STPG4: variants seen among roughly 807,000 people sequenced by gnomAD.
The protein encoded by STPG4 is protein STPG4.
Under a neutral mutation model 31.5 loss-of-function variants are expected in STPG4, and 41 were observed. The ratio of observed to expected loss-of-function variants is 1.30; its 90% CI spans 1.01 to 1.69. The LOEUF (loss-of-function observed/expected upper bound fraction) is 1.69, where lower values mean the gene tolerates loss of function less well. Ranked by LOEUF, STPG4 falls within the 40% of genes most tolerant of loss-of-function variation. STPG4 has a pLI of 0.00. For synonymous variants in STPG4, 141 were observed against 103.0 expected (o/e 1.37, Z -2.24); for missense variants, 375 against 293.4 (o/e 1.28, Z -2.03).
chr2:47,094,324 C>G (rs1056166090), intron 5 of STPG4, among the ~76,000 whole-genome samples: 1 of 152,174 alleles, frequency 6.6e-6, no homozygotes, highest in African/African-American at 2.4e-5. Context: ...AGAATAGTCA[C>G]CTTCCTGGAG....
chr2:47,149,870 G>A (rs1007375580), intron 3 of STPG4, among the ~76,000 whole-genome samples: 1 of 152,170 alleles, frequency 6.6e-6, no homozygotes, highest in African/African-American at 2.4e-5. Context: ...CCACTTCCAT[G>A]CCTTCAACAA....
intron 5 of STPG4, among the ~76,000 whole-genome samples, chr2:47,107,093 G>A (rs1248993280): frequency 1.3e-5 from 2 of 151,994 alleles, no homozygotes; most frequent in Non-Finnish European, 2.9e-5. Flanking sequence ...GTTTAGAGGG[G>A]GGATTGAGAG....
At chr2:47,117,326 C>T (rs939533376) in intron 5 of STPG4, among the ~76,000 whole-genome samples, 2 of 152,188 alleles carry the variant, frequency 1.3e-5, no homozygotes, top group Non-Finnish European at 2.9e-5. Flanking sequence ...TCTCCTGCCT[C>T]ACCCTCCCGA....
chr2:47,100,861 G>A (rs1044089721), intron 5 of STPG4, among the ~76,000 whole-genome samples: 10 of 151,324 alleles, frequency 6.6e-5, no homozygotes, highest in African/African-American at 1.7e-4. Flanking sequence ...GAACACATCC[G>A]AACATCAGAA....
chr2:47,100,805 C>G (rs1384997714), intron 5 of STPG4, among the ~76,000 whole-genome samples: 1 of 151,566 alleles, frequency 6.6e-6, no homozygotes, highest in Non-Finnish European at 1.5e-5. Context: ...TGCAGCTTCA[C>G]TCCTGAGCCA....
chr2:47,088,700 G>T lies in STPG4; in HGVS notation c.624+1570C>A, dbSNP rs144809387. ...ATCTCTTCAGGAAACAGCAAGAGTG[G>T]AGCAGAGCAGTCAGTCCAGAGCACA... On this transcript the variant is annotated intron_variant, in intron 6 of 6. Transcript: ENST00000445927. 3.2e-3 allele frequency among the ~76,000 whole-genome samples: 485 copies of T among 152,284 alleles called. 3 individuals are homozygous for T. The highest frequency in any genetic ancestry group is 0.011 in the African/African-American group (468 of 41,538).
At chr2:47,125,428 A>G (rs1183533124) in intron 5 of STPG4, among the ~76,000 whole-genome samples, 2 of 152,188 alleles carry the variant, frequency 1.3e-5, no homozygotes, top group African/African-American at 4.8e-5. Context: ...CTCAAAAAAA[A>G]AGACCTTTTT....
intron 5 of STPG4, among the ~76,000 whole-genome samples, chr2:47,115,745 T>C (rs957299245): frequency 6.9e-6 from 1 of 145,534 alleles, no homozygotes; most frequent in Non-Finnish European, 1.5e-5. Flanking sequence ...CTCTGCCTCC[T>C]GGGTTCAAGC....
intron 5 of STPG4, among the ~76,000 whole-genome samples, chr2:47,117,930 A>ATATATATATATAT (rs1491090707): frequency 5.1e-5 from 6 of 117,572 alleles, no homozygotes; most frequent in African/African-American, 2.3e-4. Context: ...ATATATATAT[A>ATATATATATATAT]TTTTTTTTTT....
At chr2:47,112,734 C>T (rs962721101) in intron 5 of STPG4, among the ~76,000 whole-genome samples, 1 of 152,144 alleles carries the variant, frequency 6.6e-6, no homozygotes, top group Admixed American at 6.5e-5. Flanking sequence ...TCAAATGACA[C>T]TACCACCTTA....
intron 5 of STPG4, among the ~76,000 whole-genome samples, chr2:47,093,532 C>T (rs1685612210): frequency 6.6e-6 from 1 of 152,136 alleles, no homozygotes; most frequent in Non-Finnish European, 1.5e-5. Context: ...CCATTGATTC[C>T]ACACCTATGA....
At chr2:47,106,404 G>A (rs1337175628) in intron 5 of STPG4, among the ~76,000 whole-genome samples, 3 of 151,942 alleles carry the variant, frequency 2.0e-5, no homozygotes, top group African/African-American at 7.3e-5. Context: ...TATTTATAGG[G>A]TTAGGAATGG....
In STPG4 at chr2:47,101,100, C is replaced by G. The variant is rs112660724; in HGVS notation, c.520-10726G>C. ...CGCCAAGCAGTGAGTACCATCGGAC[C>G]CCTTTAGCTTGCTATTCTGTCCTAT... On this transcript the variant is annotated intron_variant, in intron 5 of 6. Transcript: ENST00000445927. Among the ~76,000 whole-genome samples the G allele has an allele frequency of 5.9e-4, 90 of 151,900 alleles. 1 individual carries two copies. Among genetic ancestry groups the G allele is most frequent in the Non-Finnish European group, 1.2e-3 (84 of 68,002 alleles).
chr2:47,144,260 A>C (rs1686773392), intron 3 of STPG4, among the ~76,000 whole-genome samples: 1 of 152,256 alleles, frequency 6.6e-6, no homozygotes, highest in Non-Finnish European at 1.5e-5. Flanking sequence ...GACTTTGGAC[A>C]ATGCATCTCG....
chr2:47,109,998 G>T (rs894503267), intron 5 of STPG4, among the ~76,000 whole-genome samples: 1 of 144,836 alleles, frequency 6.9e-6, no homozygotes, highest in African/African-American at 2.9e-5. Context: ...TTATAGGCCT[G>T]TCAGGTTTTA....
intron 5 of STPG4, among the ~76,000 whole-genome samples, chr2:47,112,222 A>G (rs137974220): frequency 0.014 from 2,203 of 152,272 alleles, 63 homozygotes; most frequent in African/African-American, 0.05. Context: ...GCTGGGGTGC[A>G]GTGGCATGAT....
intron 5 of STPG4, among the ~76,000 whole-genome samples, chr2:47,092,895 C>T (rs1213300920): frequency 2.0e-5 from 3 of 152,020 alleles, no homozygotes; most frequent in African/African-American, 2.4e-5. Flanking sequence ...TGGGTTCAAG[C>T]GATTCTTCTG....
At chr2:47,093,546 C>T (rs1685612482) in intron 5 of STPG4, among the ~76,000 whole-genome samples, 1 of 152,154 alleles carries the variant, frequency 6.6e-6, no homozygotes, top group South Asian at 2.1e-4. Flanking sequence ...CCTATGATGG[C>T]CATCTGCAGA....
In STPG4 at chr2:47,101,801, C is replaced by T. The variant is rs1372736208; in HGVS notation, c.520-11427G>A. The stretch of plus-strand genomic sequence containing the variant: ...CCTATTCATGAGCAAAGGTGTCACT[C>T]TTCCAACCCTGAAGATCCCTTCCCT... On this transcript the variant is annotated intron_variant, in intron 5 of 6. Transcript: ENST00000445927. 3.9e-5 allele frequency among the ~76,000 whole-genome samples: 6 copies of T among 151,908 alleles called. 1 individual carries two copies. Among genetic ancestry groups the T allele is most frequent in the African/African-American group, 1.5e-4 (6 of 41,210 alleles).
Sources: allele counts gnomAD v4.1 joint callset (sites outside exome capture counted in the v4.1 genomes callset), GRCh38; gene constraint gnomAD v4.1.1; transcripts MANE v1.5; gene names NCBI Gene and HGNC (gene_info 2026-07-23, HGNC 2026-07-21).